MID1: variants seen among roughly 807,000 people sequenced by gnomAD.
The protein encoded by MID1 is E3 ubiquitin-protein ligase Midline-1.
Under a neutral mutation model 40.4 loss-of-function variants are expected in MID1, and 7 were observed. The ratio of observed to expected loss-of-function variants is 0.17; its 90% CI spans 0.10 to 0.33. The LOEUF (loss-of-function observed/expected upper bound fraction) is 0.33, where lower values mean the gene tolerates loss of function less well. Among genes scored for constraint, MID1 ranks in the 10% least tolerant of loss-of-function variants. The probability of loss-of-function intolerance (pLI) is 1.00; values close to 1 mark genes in which losing one functional copy is unlikely to be tolerated. For synonymous variants in MID1, 229 were observed against 221.2 expected, an observed-to-expected ratio of 1.04 and a Z score of -0.31; for missense variants, 367 against 558.5, an observed-to-expected ratio of 0.66 and a Z score of 3.46.
Position 10,782,663 on chromosome X carries a change from G to A in MID1, c.-187+50891C>T, listed in dbSNP as rs1439519168. ...ACATTTGTTCTGATTATATTATTGA[G>A]ATGTAATTATGCAGCTGTTGAATCT... On this transcript the variant is annotated intron_variant, in intron 1 of 10. Coordinates refer to the MID1 transcript ENST00000380785. Among the ~76,000 whole-genome samples the A allele has an allele frequency of 3.4e-4, 38 of 111,617 alleles. 1 individual carries two copies. The highest frequency in any genetic ancestry group is 5.6e-5 in the Non-Finnish European group (3 of 53,155).
chrX:10,464,341 G>C (rs191906962), intron 7 of MID1, among the ~76,000 whole-genome samples: 33 of 112,147 alleles, frequency 2.9e-4, no homozygotes, highest in Non-Finnish European at 1.9e-4. Context: ...CAGAAATCAA[G>C]TTGGTCACAG....
intron 1 of MID1, among the ~76,000 whole-genome samples, chrX:10,648,123 C>T (rs1186955861): frequency 2.7e-5 from 3 of 111,988 alleles, no homozygotes; most frequent in Non-Finnish European, 5.6e-5. Context: ...AAGATTTCCA[C>T]GAAGCTTTCC....
At chrX:10,516,587 TGTGTGTGTGTGTGTGTGTGTGTGCGC>T (rs1204031898) in intron 3 of MID1, among the ~76,000 whole-genome samples, 31 of 84,900 alleles carry the variant, frequency 3.7e-4, no homozygotes, top group African/African-American at 9.9e-4. Flanking sequence ...TGTGTGTGTG[TGTGTGTGTGTGTGTGTGTGTGTGCGC>T]GCGCGCACGC....
rs754686808 is a variant in MID1 at position 10,626,100 on chromosome X, G to A, written c.-186-5681C>T. ...TTAACTCCAGGCAAAACAAAAGAAT[G>A]CACAAAAAAAGGAAGCATTGTTATA... is the stretch of plus-strand genomic sequence containing the variant. On this transcript the variant is annotated intron_variant, in intron 1 of 10. Transcript: ENST00000380785. 7.3e-5 allele frequency among the ~76,000 whole-genome samples: 8 copies of A among 109,845 alleles called. No individual in the cohort carries two copies. In the South Asian group the frequency reaches 2.7e-3, roughly 38 times the overall value.
chrX:10,772,185 A>G (rs1224906465), intron 1 of MID1, among the ~76,000 whole-genome samples: 3 of 111,020 alleles, frequency 2.7e-5, no homozygotes, highest in Non-Finnish European at 5.7e-5. Context: ...GTGTGTGTGT[A>G]TATATATCTA....
intron 2 of MID1, among the ~76,000 whole-genome samples, chrX:10,529,421 G>C (rs1467884575): frequency 8.9e-6 from 1 of 112,049 alleles, no homozygotes; most frequent in Non-Finnish European, 1.9e-5. Context: ...ATTCCCATCT[G>C]GACTGCGGGT....
intron 1 of MID1, among the ~76,000 whole-genome samples, chrX:10,710,176 G>C (rs2043257225): frequency 9.0e-6 from 1 of 111,205 alleles, no homozygotes; most frequent in Non-Finnish European, 1.9e-5. Context: ...AATTCAGATG[G>C]GGGTTGGTTC....
intron 1 of MID1, among the ~76,000 whole-genome samples, chrX:10,618,609 T>C (rs963263042): frequency 1.4e-4 from 16 of 112,073 alleles, no homozygotes; most frequent in African/African-American, 4.9e-4. Flanking sequence ...GAGTTCACTA[T>C]ATGTGTACTT....
chrX:10,710,383 A>G (rs2043258918), intron 1 of MID1, among the ~76,000 whole-genome samples: 1 of 111,743 alleles, frequency 8.9e-6, no homozygotes, highest in African/African-American at 3.3e-5. Flanking sequence ...CAAGCAGGCA[A>G]TATTTTCTTT....
At chrX:10,820,404 A>G (rs2044166559) in intron 1 of MID1, among the ~76,000 whole-genome samples, 1 of 112,174 alleles carries the variant, frequency 8.9e-6, no homozygotes, top group African/African-American at 3.2e-5. Flanking sequence ...CCGAAAGACA[A>G]CACATTTTGC....
At chrX:10,498,663 C>G (rs1931385688) in intron 3 of MID1, among the ~76,000 whole-genome samples, 1 of 112,060 alleles carries the variant, frequency 8.9e-6, no homozygotes, top group Non-Finnish European at 1.9e-5. Context: ...CTTTCTGTCT[C>G]TTTATGGATT....
chrX:10,503,296 A>G (rs1299410990), intron 3 of MID1, among the ~76,000 whole-genome samples: 1 of 111,517 alleles, frequency 9.0e-6, no homozygotes, highest in East Asian at 2.8e-4. Flanking sequence ...GAATTGAGGA[A>G]CAGCAGACAA....
At chrX:10,577,742 A>C (rs991074712) in intron 1 of MID1, among the ~76,000 whole-genome samples, 10 of 106,952 alleles carry the variant, frequency 9.3e-5, no homozygotes, top group Admixed American at 8.1e-4. Context: ...CAGAATGGCA[A>C]AGAAAGGGTG....
At chrX:10,609,431 T>TTA (rs1461336927) in intron 1 of MID1, among the ~76,000 whole-genome samples, 6 of 111,774 alleles carry the variant, frequency 5.4e-5, no homozygotes, top group Non-Finnish European at 1.1e-4. Flanking sequence ...TATATATCAT[T>TTA]TATATATATA....
At chrX:10,698,638 A>G (rs753246507) in intron 1 of MID1, among the ~76,000 whole-genome samples, 2 of 109,185 alleles carry the variant, frequency 1.8e-5, no homozygotes, top group Non-Finnish European at 3.8e-5. Context: ...AGATATCAGA[A>G]TATGCCACCA....
intron 1 of MID1, among the ~76,000 whole-genome samples, chrX:10,690,934 TGATG>T (rs1270067341): frequency 8.9e-6 from 1 of 112,100 alleles, no homozygotes; most frequent in Non-Finnish European, 1.9e-5. Flanking sequence ...TGCTTTGAAA[TGATG>T]GTGATAGTGG....
chrX:10,574,692 A>G (rs1934825260), intron 1 of MID1, among the ~76,000 whole-genome samples: 1 of 112,626 alleles, frequency 8.9e-6, no homozygotes, highest in African/African-American at 3.2e-5. Flanking sequence ...TTTGGAGTAT[A>G]TGAAAAAGAA....
At chrX:10,802,447 G>A (rs1245613000) in intron 1 of MID1, among the ~76,000 whole-genome samples, 1 of 111,554 alleles carries the variant, frequency 9.0e-6, no homozygotes, top group Non-Finnish European at 1.9e-5. Context: ...TCAGAGAAAT[G>A]CAAATCAAAA....
chrX:10,792,959 A>G (rs1217758249), intron 1 of MID1, among the ~76,000 whole-genome samples: 1 of 112,088 alleles, frequency 8.9e-6, no homozygotes, highest in Non-Finnish European at 1.9e-5. Context: ...TCTGGAAGGC[A>G]GTTTGAAGCA....
Sources: gnomAD v4.1 joint callset for allele counts (sites outside exome capture counted in the v4.1 genomes callset) on GRCh38, gnomAD v4.1.1 for gene constraint, MANE v1.5 for transcripts, NCBI Gene and HGNC (gene_info 2026-07-23, HGNC 2026-07-21) for gene names.